GPC4: variants seen among roughly 807,000 people sequenced by gnomAD.
The protein encoded by GPC4 is glypican-4.
GPC4 carries 10 observed loss-of-function variants against 35.0 expected under a neutral mutation model. The observed-to-expected ratio is 0.29, with a 90% CI of 0.18 to 0.48. GPC4 has a LOEUF of 0.48. Ranked by LOEUF, GPC4 falls within the 20% of genes least tolerant of loss-of-function variation. GPC4 has a pLI of 0.99. For synonymous variants in GPC4, 167 were observed against 170.2 expected (o/e 0.98, Z 0.15); for missense variants, 322 against 451.3 (o/e 0.71, Z 2.60).
chrX:133,340,273 C>T (rs184043823), intron 1 of GPC4, among the ~76,000 whole-genome samples: 53 of 110,570 alleles, frequency 4.8e-4, no homozygotes, highest in Non-Finnish European at 1.1e-4. Flanking sequence ...TTTGAAGAGA[C>T]GATGTCTCTT....
In GPC4 at chrX:133,415,190, GAGA is replaced by G. The variant is rs1035186949; in HGVS notation, c.-228_-226del. The G allele has an allele frequency of 7.9e-5, 31 of 391,378 alleles. No homozygotes were observed. The highest frequency in any genetic ancestry group is 4.1e-4 in the African/African-American group (16 of 38,720). The allele number at this position is 391,378 out of a possible 1,213,427, so 32.3% of individuals were successfully genotyped here. ...CCCGGTGCCAGGCGCCGGGCCAGGG[GAGA>G]AGGAGGGCGTGGAGGCGGCGCGCGG... On this transcript the variant is annotated 5_prime_UTR_variant, in exon 1 of 9. Transcript: ENST00000370828.
intron 1 of GPC4, among the ~76,000 whole-genome samples, chrX:133,360,031 A>G (rs2068559870): frequency 9.0e-6 from 1 of 110,635 alleles, no homozygotes. Flanking sequence ...AATAAGGCCT[A>G]TGCTGGGGGG....
At chrX:133,404,894 C>T (rs781098463) in intron 1 of GPC4, among the ~76,000 whole-genome samples, 1 of 102,697 alleles carries the variant, frequency 9.7e-6, no homozygotes, top group South Asian at 4.4e-4. Context: ...AATCATAAAC[C>T]ACAAGCTCTG....
intron 1 of GPC4, among the ~76,000 whole-genome samples, chrX:133,394,140 G>A (rs1299376590): frequency 2.7e-5 from 3 of 109,985 alleles, no homozygotes; most frequent in Admixed American, 9.8e-5. Context: ...GCATGGTAGC[G>A]GGTGCCTTTA....
chrX:133,375,805 C>A (rs1415859647), intron 1 of GPC4, among the ~76,000 whole-genome samples: 1 of 111,925 alleles, frequency 8.9e-6, no homozygotes, highest in Non-Finnish European at 1.9e-5. Context: ...CAAATTTGAA[C>A]CTTACTTCAT....
chrX:133,339,395 GAGGGAA>G (rs1401458189), intron 1 of GPC4, 54 bp from the exon 2 acceptor site: 2 of 1,113,151 alleles, frequency 1.8e-6, no homozygotes, highest in African/African-American at 3.6e-5. Context: ...TGAAGTCCAA[GAGGGAA>G]AGGTTTGATT....
rs1161458248 is a variant in GPC4 at position 133,301,505 on chromosome X, G to A, written c.*1362C>T. ...CCATGGCCTTTGCCACTTCACCCAC[G>A]TGGCTAAAGGTCACCACTAAGATGT... On this transcript the variant is annotated 3_prime_UTR_variant, in exon 9 of 9. Coordinates refer to ENST00000370828, the MANE Select transcript of GPC4 (RefSeq NM_001448.3). 8.9e-6 allele frequency: 1 copy of A among 112,498 alleles called. No homozygotes were observed. Among genetic ancestry groups the A allele is most frequent in the African/African-American group, 3.2e-5 (1 of 30,984 alleles). The allele number at this position is 112,498 out of a possible 1,213,427, so 9.3% of individuals were successfully genotyped here.
At chrX:133,355,462 A>G (rs764467769) in intron 1 of GPC4, among the ~76,000 whole-genome samples, 3 of 112,275 alleles carry the variant, frequency 2.7e-5, no homozygotes, top group East Asian at 2.8e-4. Context: ...GGCTACAAAC[A>G]TAACACACTA....
chrX:133,397,184 G>A (rs2068747115), intron 1 of GPC4, among the ~76,000 whole-genome samples: 1 of 112,186 alleles, frequency 8.9e-6, no homozygotes, highest in African/African-American at 3.2e-5. Flanking sequence ...CAGCACTTTG[G>A]GAGGCCAAGG....
intron 3 of GPC4, among the ~76,000 whole-genome samples, chrX:133,323,046 C>T (rs1052153896): frequency 9.0e-6 from 1 of 111,540 alleles, no homozygotes; most frequent in East Asian, 2.8e-4. Context: ...CAGATCCCTG[C>T]TGTGTGAAGT....
intron 1 of GPC4, among the ~76,000 whole-genome samples, chrX:133,393,004 G>C (rs1433790696): frequency 1.8e-5 from 2 of 112,240 alleles, no homozygotes; most frequent in Non-Finnish European, 3.8e-5. Flanking sequence ...AACGCCCTTT[G>C]ACCAGAGACA....
chrX:133,404,546 C>CAAAAAAAA lies in GPC4; in HGVS notation c.160+10252_160+10259dup, dbSNP rs766777711. On this transcript the variant is annotated intron_variant, in intron 1 of 8. Transcript: ENST00000370828. ...TGGGCAATAGAGCAAGACTCTGCCT[C>CAAAAAAAA]AAAAAAAAAAAAAAAAAAAGAAGGT... Among the ~76,000 whole-genome samples, 83 of 37,346 alleles carry CAAAAAAAA rather than the reference C, an allele frequency of 2.2e-3. 2 individuals are homozygous for CAAAAAAAA. Among genetic ancestry groups the CAAAAAAAA allele is most frequent in the African/African-American group, 4.2e-3 (25 of 5,899 alleles). The allele number at this position is 37,346 out of a possible 115,157, so 32.4% of individuals were successfully genotyped here.
At chrX:133,312,397 G>A (rs999505585) in intron 3 of GPC4, among the ~76,000 whole-genome samples, 11 of 110,788 alleles carry the variant, frequency 9.9e-5, no homozygotes, top group African/African-American at 2.3e-4. Flanking sequence ...TTGGGAGGCC[G>A]AAGTGGGCGG....
At chrX:133,410,846 C>T (rs1466718157) in intron 1 of GPC4, among the ~76,000 whole-genome samples, 3 of 112,269 alleles carry the variant, frequency 2.7e-5, no homozygotes, top group Non-Finnish European at 5.6e-5. Flanking sequence ...CCAGAAGATA[C>T]CTCCTGTAAA....
intron 2 of GPC4, among the ~76,000 whole-genome samples, chrX:133,327,640 TG>T (rs1569344326): frequency 2.3e-3 from 13 of 5,723 alleles, no homozygotes; most frequent in African/African-American, 3.1e-3. Flanking sequence ...CAGGAAAGTG[TG>T]TGTGTGTGTG....
chrX:133,342,611 T>TGACACACGTAGTCCAA (rs941901515), intron 1 of GPC4, among the ~76,000 whole-genome samples: 27 of 111,534 alleles, frequency 2.4e-4, no homozygotes, highest in Non-Finnish European at 3.2e-4. Flanking sequence ...AAAAGCCCTG[T>TGACACACGTAGTCCAA]GACACACGTA....
At chrX:133,392,562 C>CTTT (rs1234858240) in intron 1 of GPC4, among the ~76,000 whole-genome samples, 1 of 107,046 alleles carries the variant, frequency 9.3e-6, no homozygotes, top group African/African-American at 3.4e-5. Context: ...ATTGGGGATG[C>CTTT]CCCAGCCTTT....
intron 1 of GPC4, among the ~76,000 whole-genome samples, chrX:133,342,680 T>C (rs1276147855): frequency 9.0e-6 from 1 of 111,634 alleles, no homozygotes. Flanking sequence ...GGGGATTCGG[T>C]GCCACAACTA....
intron 3 of GPC4, among the ~76,000 whole-genome samples, chrX:133,317,270 G>GA (rs199620590): frequency 0.02 from 2,200 of 111,206 alleles, 56 homozygotes; most frequent in African/African-American, 0.068. Context: ...ATGTGGGGGG[G>GA]AAGATGCCTC....
Sources: gnomAD v4.1 joint callset for allele counts (sites outside exome capture counted in the v4.1 genomes callset) on GRCh38, gnomAD v4.1.1 for gene constraint, MANE v1.5 for transcripts, NCBI Gene and HGNC (gene_info 2026-07-23, HGNC 2026-07-21) for gene names.